The following GNA15 variants were observed in gnomAD, a reference collection of about 807,000 sequenced individuals.
GNA15 encodes guanine nucleotide-binding protein subunit alpha-15.
In GNA15, 23 loss-of-function variants were observed where a neutral mutation model predicts 40.1. The observed-to-expected ratio is 0.57, with a 90% CI of 0.41 to 0.81. The LOEUF is 0.81. Ranked by LOEUF, GNA15 falls within the 40% of genes least tolerant of loss-of-function variation. GNA15 has a pLI of 0.00. For synonymous variants in GNA15, 226 were observed against 210.4 expected (o/e 1.07, Z -0.64); for missense variants, 522 against 515.8 (o/e 1.01, Z -0.12).
intron 1 of GNA15, among the ~76,000 whole-genome samples, chr19:3,145,359 A>ATATATATATATATTTTTT: frequency 1.3e-4 from 6 of 46,968 alleles, no homozygotes; most frequent in Non-Finnish European, 1.9e-4. Flanking sequence ...ATATATATAT[A>ATATATATATATATTTTTT]TTTTTTTTTT....
At position 3,163,084 on chromosome 19, in the gene GNA15, C is replaced by T; in HGVS notation, c.*65C>T. ...TGGGAGGTGGGAGTGGCTGCAGGGA[C>T]CCCTAGTGTCCCTGGTCTATCTCTC... is the stretch of plus-strand genomic sequence containing the variant. On this transcript the variant is annotated 3_prime_UTR_variant, in exon 7 of 7. Transcript: ENST00000262958. The T allele has an allele frequency of 2.0e-6, 2 of 985,106 alleles. No individual in the cohort carries two copies. The highest frequency in any genetic ancestry group is 1.3e-5 in the South Asian group (1 of 75,906). The allele number at this position is 985,106 out of a possible 1,614,324, so 61.0% of individuals were successfully genotyped here.
In GNA15 at chr19:3,144,914, C is replaced by T. The variant is rs192210748; in HGVS notation, c.146-3677C>T. Among the ~76,000 whole-genome samples, 33 of 149,860 alleles carry T rather than the reference C, an allele frequency of 2.2e-4. No individual in the cohort carries two copies. In the East Asian group the frequency reaches 3.2e-3, roughly 14 times the overall value. On this transcript the variant is annotated intron_variant, in intron 1 of 6. Coordinates refer to ENST00000262958, the MANE Select transcript of GNA15 (RefSeq NM_002068.4). ...CATGATCTCGGCTCACTGCAGCCTCCGCCTCCCAGGTTCAAGCAATTCTCC... is the reference window on the plus strand; with the variant it reads ...CATGATCTCGGCTCACTGCAGCCTCTGCCTCCCAGGTTCAAGCAATTCTCC...
intron 1 of GNA15, among the ~76,000 whole-genome samples, chr19:3,147,875 A>G (rs1259269904): frequency 3.6e-5 from 5 of 139,662 alleles, no homozygotes; most frequent in Admixed American, 2.1e-4. Flanking sequence ...GTGACAGAGC[A>G]AGACTCCATC....
chr19:3,138,664 T>C (rs1914507847), intron 1 of GNA15, among the ~76,000 whole-genome samples: 1 of 152,206 alleles, frequency 6.6e-6, no homozygotes, highest in African/African-American at 2.4e-5. Flanking sequence ...GGAGTCTTGC[T>C]CTGTCACCCA....
chr19:3,144,054 G>A (rs1914639184), intron 1 of GNA15, among the ~76,000 whole-genome samples: 1 of 151,408 alleles, frequency 6.6e-6, no homozygotes, highest in East Asian at 1.9e-4. Context: ...AACCCGGGAG[G>A]TGGAGCTTAC....
At chr19:3,150,715 G>C (rs1251819554) in intron 3 of GNA15, among the ~76,000 whole-genome samples, 1 of 152,090 alleles carries the variant, frequency 6.6e-6, no homozygotes, top group Non-Finnish European at 1.5e-5. Flanking sequence ...TGTTTCAGGG[G>C]TGACCCTGTT....
rs374928184 is a variant in GNA15, at chr19:3,136,514, G to A, written c.64G>A (p.Ala22Thr). The change falls in exon 1 of 7, where the codon GCC (alanine) becomes ACC (threonine). Residue 22 changes from alanine (A) to threonine (T), a missense_variant. By Grantham distance (58) the Ala-to-Thr change is moderately conservative. Transcript: ENST00000262958. This position sits in a 1 kb window ranked among gnomAD's most constrained non-coding sequence, Gnocchi z 4.9. ...CCTGACGGAGGATGAGAAGGCCGCC[G>A]CCCGGGTGGACCAGGAGATCAACAG... ...WCLTEDEKAA[A>T]RVDQEINRIL... The A allele has an allele frequency of 4.1e-5, 64 of 1,564,392 alleles. No homozygotes were observed. Among genetic ancestry groups the A allele is most frequent in the Non-Finnish European group, 5.2e-5 (60 of 1,154,894 alleles).
chr19:3,158,072 A>C (rs182626686), intron 6 of GNA15, among the ~76,000 whole-genome samples, 191 bp downstream of exon 6: 198 of 152,326 alleles, frequency 1.3e-3, no homozygotes, highest in African/African-American at 4.6e-3. Context: ...AATGGAATAA[A>C]ATAGCAGAGG....
intron 5 of GNA15, among the ~76,000 whole-genome samples, chr19:3,157,335 C>A (rs775249774): frequency 1.3e-5 from 2 of 152,158 alleles, no homozygotes; most frequent in African/African-American, 2.4e-5. Flanking sequence ...CAGTCACGGA[C>A]TTGAGGGCCA....
At chr19:3,146,724 C>G (rs558480452) in intron 1 of GNA15, 7 of 152,948 alleles carry the variant, frequency 4.6e-5, no homozygotes, top group African/African-American at 1.7e-4. Context: ...GGTCCGGGCT[C>G]CCCCAGACCA....
intron 2 of GNA15, 46 bp downstream of exon 2, chr19:3,148,821 G>GGGCAGGCAGGGGCCCAT (rs780972351): frequency 2.2e-5 from 33 of 1,526,008 alleles, no homozygotes; most frequent in South Asian, 9.8e-5. Context: ...CAGGGGCCCA[G>GGGCAGGCAGGGGCCCAT]GGCAGGGTTC....
chr19:3,148,900 G>A (rs1914803796), intron 2 of GNA15, 125 bp downstream of exon 2: 3 of 980,972 alleles, frequency 3.1e-6, no homozygotes, highest in Non-Finnish European at 4.4e-6. Flanking sequence ...GGGCAGGCAG[G>A]GAAGGGTCCC....
At position 3,163,050 on chromosome 19, in the gene GNA15, G is replaced by T. The variant is rs527781958; in HGVS notation, c.*31G>T. ...GCCCCACCTGGGGCAGGCGGCACCGGCGGGCGGGTGGGAGGTGGGAGTGGC... is the reference window on the plus strand; with the variant it reads ...GCCCCACCTGGGGCAGGCGGCACCGTCGGGCGGGTGGGAGGTGGGAGTGGC... On this transcript the variant is annotated 3_prime_UTR_variant, in exon 7 of 7. Coordinates refer to ENST00000262958, the MANE Select transcript of GNA15 (RefSeq NM_002068.4). 5.4e-6 allele frequency: 8 copies of T among 1,480,506 alleles called. No homozygotes were observed. The highest frequency in any genetic ancestry group is 2.3e-5 in the South Asian group (2 of 88,348). The allele number at this position is 1,480,506 out of a possible 1,614,324, so 91.7% of individuals were successfully genotyped here. A position where few individuals can be genotyped will look rare whatever the true frequency, so the allele number is the denominator to read the frequency against.
At chr19:3,162,591 T>G (rs983006896) in intron 6 of GNA15, among the ~76,000 whole-genome samples, 3 of 152,184 alleles carry the variant, frequency 2.0e-5, no homozygotes, top group Non-Finnish European at 4.4e-5. Context: ...ATGACTCGTG[T>G]GAGACAATCT....
At chr19:3,153,480 G>A (rs1388959082) in intron 4 of GNA15, among the ~76,000 whole-genome samples, 1 of 151,674 alleles carries the variant, frequency 6.6e-6, no homozygotes, top group Non-Finnish European at 1.5e-5. Context: ...ATGGATGGAT[G>A]GATGGATGGT....
At position 3,151,604 on chromosome 19, in the gene GNA15, A is replaced by C; in HGVS notation, c.486-103A>C. On this transcript the variant is annotated intron_variant, in intron 3 of 6. Coordinates refer to ENST00000262958, the MANE Select transcript of GNA15 (RefSeq NM_002068.4). This position sits in a 1 kb window ranked among gnomAD's most constrained non-coding sequence, Gnocchi z 5.0. ...CCAGGGACCCCACCTCCACCCAGGG[A>C]GCTCTCCTCCCCCAGCAGGGTCCTT... 7.4e-7 allele frequency: 1 copy of C among 1,348,222 alleles called. No homozygotes were observed. Among genetic ancestry groups the C allele is most frequent in the South Asian group, 1.6e-5 (1 of 62,300 alleles). The allele number at this position is 1,348,222 out of a possible 1,614,324, so 83.5% of individuals were successfully genotyped here.
At position 3,136,713 on chromosome 19, in the gene GNA15, G is replaced by A; in HGVS notation, c.145+118G>A. The A allele has an allele frequency of 7.7e-6, 7 of 909,114 alleles. No homozygotes were observed. Among genetic ancestry groups the A allele is most frequent in the South Asian group, 1.7e-5 (1 of 58,634 alleles). 56.3% of individuals were successfully genotyped at this position (909,114 alleles called of 1,614,324 possible). A position where few individuals can be genotyped will look rare whatever the true frequency, so the allele number is the denominator to read the frequency against. Reference sequence around the variant, plus strand: ...CAGACATTGGCATCGTGGAGCCGTCGCCTCCTCCCAGGGAATGGGGAGCCT... The same window carrying A: ...CAGACATTGGCATCGTGGAGCCGTCACCTCCTCCCAGGGAATGGGGAGCCT... On this transcript the variant is annotated intron_variant, in intron 1 of 6. Coordinates refer to ENST00000262958, the MANE Select transcript of GNA15 (RefSeq NM_002068.4). This position sits in a 1 kb window ranked among gnomAD's most constrained non-coding sequence, Gnocchi z 4.9.
rs1192327907 is a variant in GNA15 at position 3,162,821 on chromosome 19, G to A, written c.927G>A (p.Lys309=). 11 of 1,613,886 alleles carry A rather than the reference G, an allele frequency of 6.8e-6. No individual in the cohort carries two copies. The highest frequency in any genetic ancestry group is 9.3e-6 in the Non-Finnish European group (11 of 1,179,918). ...CTAAGCAGGATGCTGAGGCAGCCAA[G>A]AGGTTCATCCTGGACATGTACACGA... ...QGPKQDAEAA[K]RFILDMYTRM... Residue 309 remains lysine (K), a synonymous_variant, in exon 7 of 7, where the codon AAG becomes AAA. Transcript: ENST00000262958.
Position 3,151,756 on chromosome 19 carries a change from G to C in GNA15, c.535G>C (p.Ala179Pro). Residue 179 changes from alanine to proline, a missense_variant, in exon 4 of 7, where the codon GCT becomes CCT. By Grantham distance (27) the Ala-to-Pro change is conservative. Coordinates refer to ENST00000262958, the MANE Select transcript of GNA15 (RefSeq NM_002068.4). The surrounding 1 kb of genome is among the most constrained non-coding windows in gnomAD (Gnocchi z 5.0). ...RITEEGYVPT[A>P]QDVLRSRMPT... is the part of the protein sequence containing the mutation. ...CACCGAGGAGGGCTACGTCCCCACA[G>C]CTCAGGACGTGCTCCGCAGCCGCAT... 1.2e-6 allele frequency: 2 copies of C among 1,612,122 alleles called. No homozygotes were observed. The highest frequency in any genetic ancestry group is 1.7e-6 in the Non-Finnish European group (2 of 1,179,206).
Sources: gnomAD v4.1 joint callset for allele counts (sites outside exome capture counted in the v4.1 genomes callset) on GRCh38, gnomAD v4.1.1 for gene constraint, Gnocchi (gnomAD v3.1) non-coding constraint, MANE v1.5 for transcripts, NCBI Gene and HGNC (gene_info 2026-07-23, HGNC 2026-07-21) for gene names.